The following RASSF3 variants were observed in gnomAD, a reference collection of about 807,000 sequenced individuals.
The protein encoded by RASSF3 is ras association domain-containing protein 3.
A neutral mutation model predicts 19.9 loss-of-function variants in RASSF3; 19 were observed. The ratio of observed to expected loss-of-function variants is 0.96; its 90% CI spans 0.67 to 1.40. The LOEUF (loss-of-function observed/expected upper bound fraction) is 1.40, where lower values mean the gene tolerates loss of function less well. RASSF3 is among the 40% of genes most tolerant of loss of function. The probability of loss-of-function intolerance (pLI) is 0.00; values close to 1 mark genes in which losing one functional copy is unlikely to be tolerated. For synonymous variants in RASSF3, 110 were observed against 104.2 expected (o/e 1.06, Z -0.34); for missense variants, 306 against 289.8 (o/e 1.06, Z -0.41).
At chr12:64,540,368 T>C (rs1490702026) in intron 1 of RASSF3, among the ~76,000 whole-genome samples, 1 of 152,196 alleles carries the variant, frequency 6.6e-6, no homozygotes, top group African/African-American at 2.4e-5. Flanking sequence ...AAATACTTAC[T>C]TTGGAAACAG....
intron 1 of RASSF3, among the ~76,000 whole-genome samples, chr12:64,514,069 A>G (rs1449127135): frequency 7.2e-6 from 1 of 139,436 alleles, no homozygotes; most frequent in African/African-American, 2.7e-5. Flanking sequence ...TTTTTTTTTT[A>G]GTAGAGACGG....
chr12:64,566,709 A>C (rs17100437), intron 2 of RASSF3, among the ~76,000 whole-genome samples: 2 of 152,136 alleles, frequency 1.3e-5, no homozygotes, highest in East Asian at 3.9e-4. Context: ...GAGACGAAGC[A>C]ACCACAGGCT....
At chr12:64,514,620 G>C (rs745395730) in intron 1 of RASSF3, among the ~76,000 whole-genome samples, 1 of 152,140 alleles carries the variant, frequency 6.6e-6, no homozygotes, top group African/African-American at 2.4e-5. Flanking sequence ...CACAAAATTC[G>C]TATCTGAAGT....
chr12:64,554,539 A>T (rs1049099459), intron 2 of RASSF3, among the ~76,000 whole-genome samples: 4 of 152,178 alleles, frequency 2.6e-5, no homozygotes, highest in African/African-American at 2.4e-5. Flanking sequence ...TCCTGAACTC[A>T]GGTGATCCAC....
intron 1 of RASSF3, among the ~76,000 whole-genome samples, chr12:64,643,998 G>A (rs930298330): frequency 6.6e-6 from 1 of 151,838 alleles, no homozygotes; most frequent in African/African-American, 2.4e-5. Flanking sequence ...TCTTATTGTG[G>A]TATTTTGTTT....
In RASSF3 at chr12:64,556,221, C is replaced by T. The variant is rs186579292; in HGVS notation, c.294+14516C>T. Among the ~76,000 whole-genome samples the T allele has an allele frequency of 2.3e-3, 356 of 152,036 alleles. 1 individual carries two copies. The highest frequency in any genetic ancestry group is 8.0e-3 in the African/African-American group (330 of 41,482). ...GTCACCCAGGCTGGAGTGCAGTGGCCGTGATCATGGCTCACTGCAGCCTCA... is the reference window on the plus strand; with the variant it reads ...GTCACCCAGGCTGGAGTGCAGTGGCTGTGATCATGGCTCACTGCAGCCTCA... On this transcript the variant is annotated intron_variant, in intron 2 of 5. Transcript: ENST00000637125.
intron 1 of RASSF3, among the ~76,000 whole-genome samples, chr12:64,679,841 C>T (rs1873054584): frequency 6.6e-6 from 1 of 152,188 alleles, no homozygotes; most frequent in African/African-American, 2.4e-5. Flanking sequence ...ACTTGTAACT[C>T]ACCAAGCAGA....
intron 2 of RASSF3, among the ~76,000 whole-genome samples, chr12:64,601,852 TC>T (rs1413481666): frequency 4.0e-5 from 6 of 151,652 alleles, no homozygotes; most frequent in Admixed American, 2.6e-4. Context: ...GTGCAGTGGA[TC>T]ATGCCTGTAA....
At chr12:64,633,550 G>A (rs1334512242) in intron 1 of RASSF3, among the ~76,000 whole-genome samples, 2 of 152,158 alleles carry the variant, frequency 1.3e-5, no homozygotes, top group Admixed American at 6.6e-5. Flanking sequence ...AGGAGCAGAT[G>A]TTGGTGCCAT....
intron 1 of RASSF3, among the ~76,000 whole-genome samples, chr12:64,516,577 C>G (rs1454450489): frequency 1.3e-5 from 2 of 148,732 alleles, no homozygotes; most frequent in African/African-American, 5.0e-5. Flanking sequence ...CGAGATCCCG[C>G]CACTGCACTC....
upstream of RASSF3, among the ~76,000 whole-genome samples, chr12:64,606,168 C>G (rs535730323): frequency 2.0e-5 from 3 of 152,246 alleles, no homozygotes; most frequent in Admixed American, 2.0e-4. Flanking sequence ...AGGTTTCCTT[C>G]TGGTCTCAGT....
At chr12:64,527,555 G>A (rs762807903) in intron 1 of RASSF3, among the ~76,000 whole-genome samples, 1 of 152,102 alleles carries the variant, frequency 6.6e-6, no homozygotes, top group Non-Finnish European at 1.5e-5. Flanking sequence ...TTTTTACTAA[G>A]TACCTTACCC....
At chr12:64,649,354 G>A (rs1039482215) in intron 1 of RASSF3, among the ~76,000 whole-genome samples, 1 of 151,716 alleles carries the variant, frequency 6.6e-6, no homozygotes, top group East Asian at 1.9e-4. Flanking sequence ...CACCACACCC[G>A]GCTAATTTTT....
Position 64,516,998 on chromosome 12 carries a change from CAA to C in RASSF3, c.169+9691_169+9692del, listed in dbSNP as rs371430838. Among the ~76,000 whole-genome samples, 219 of 51,976 alleles carry C rather than the reference CAA, an allele frequency of 4.2e-3. 3 individuals are homozygous for C. The highest frequency in any genetic ancestry group is 0.015 in the African/African-American group (211 of 14,460). The allele number at this position is 51,976 out of a possible 152,430, so 34.1% of individuals were successfully genotyped here. On this transcript the variant is annotated intron_variant, in intron 1 of 5. Transcript: ENST00000637125. ...TGGGTGAGAAAGTGAAAATCTGTCT[CAA>C]AAAAAAAAAAAAAAAAAAAAAGAAA...
chr12:64,531,616 CCA>C (rs1174547271), upstream of RASSF3, among the ~76,000 whole-genome samples: 1 of 152,062 alleles, frequency 6.6e-6, no homozygotes, highest in Admixed American at 6.6e-5. Flanking sequence ...ATAATAACTC[CCA>C]GTTTTGTTTT....
intron 3 of RASSF3, among the ~76,000 whole-genome samples, chr12:64,689,517 C>T (rs576167181): frequency 5.8e-4 from 88 of 152,094 alleles, no homozygotes; most frequent in African/African-American, 1.8e-3. Context: ...TTGGCACCTG[C>T]GATGCAGTGC....
intron 2 of RASSF3, among the ~76,000 whole-genome samples, chr12:64,569,956 A>G (rs1257583711): frequency 6.6e-6 from 1 of 152,092 alleles, no homozygotes; most frequent in Non-Finnish European, 1.5e-5. Context: ...CAAGAGTGAA[A>G]CTCTGTCTCA....
rs963163317 is a variant in RASSF3 at position 64,587,613 on chromosome 12, C to T, written c.294+45908C>T. Among the ~76,000 whole-genome samples, 7 of 152,048 alleles carry T rather than the reference C, an allele frequency of 4.6e-5. No homozygotes were observed. The East Asian group carries it at 1.2e-3, about 25-fold the overall frequency. On this transcript the variant is annotated intron_variant, in intron 2 of 5. Transcript: ENST00000637125. ...TAATGAGTCTGAAGCCTGGAGGTGT[C>T]GCCGTCTTCCTCTCTTTTTCACTTG... is the stretch of plus-strand genomic sequence containing the variant.
At chr12:64,641,665 C>G (rs1267583421) in intron 1 of RASSF3, among the ~76,000 whole-genome samples, 1 of 147,716 alleles carries the variant, frequency 6.8e-6, no homozygotes, top group Non-Finnish European at 1.5e-5. Context: ...AAGTTACTGA[C>G]TCCTAGGGGG....
Sources: allele counts gnomAD v4.1 joint callset (sites outside exome capture counted in the v4.1 genomes callset), GRCh38; gene constraint gnomAD v4.1.1; transcripts MANE v1.5; gene names NCBI Gene and HGNC (gene_info 2026-07-23, HGNC 2026-07-21).